The following AGAP1 variants were observed in gnomAD, a reference collection of about 807,000 sequenced individuals.
AGAP1 encodes the protein ArfGAP with GTPase domain, ankyrin repeat and PH domain 1, also known as arf-GAP with GTPase, ANK repeat and PH domain-containing protein 1.
AGAP1 carries 29 observed loss-of-function variants against 105.3 expected under a neutral mutation model. The observed-to-expected ratio is 0.28, with a 90% CI of 0.21 to 0.38. AGAP1 has a LOEUF of 0.38. AGAP1 is among the 10% of genes least tolerant of loss of function. The pLI, the probability that AGAP1 is intolerant of heterozygous loss-of-function variation, is 1.00. For synonymous variants in AGAP1, 509 were observed against 485.9 expected (o/e 1.05, Z -0.63); for missense variants, 998 against 1,165.1 (o/e 0.86, Z 2.09).
In AGAP1 at chr2:235,901,310, C is replaced by G; in HGVS notation, c.1156-7428C>G. ...TTTTTTTTTGAGCCCAGAAGTGAGG[C>G]TTTTTAAAAATAGAACTTCACAAAT... is the stretch of plus-strand genomic sequence containing the variant. On this transcript the variant is annotated intron_variant, in intron 10 of 17. Transcript: ENST00000304032. The surrounding 1 kb of genome is among the most constrained non-coding windows in gnomAD (Gnocchi z 4.3). Among the ~76,000 whole-genome samples the G allele has an allele frequency of 6.6e-6, 1 of 151,628 alleles. No homozygotes were observed. Among genetic ancestry groups the G allele is most frequent in the South Asian group, 2.1e-4 (1 of 4,820 alleles).
At position 235,845,957 on chromosome 2, in the gene AGAP1, A is replaced by G. The variant is rs931249322; in HGVS notation, c.1051-37388A>G. On this transcript the variant is annotated intron_variant, in intron 9 of 17. Transcript: ENST00000304032. This position sits in a 1 kb window ranked among gnomAD's most constrained non-coding sequence, Gnocchi z 4.8. ...CCACTCACCCTTCAGCTGCAGCCAC[A>G]GGGTTGAAATCTTTCCCAGGCCCTC... Among the ~76,000 whole-genome samples the G allele has an allele frequency of 6.6e-6, 1 of 152,038 alleles. No homozygotes were observed. The highest frequency in any genetic ancestry group is 2.4e-5 in the African/African-American group (1 of 41,380).
chr2:235,945,826 G>A (rs1020525873), intron 12 of AGAP1, among the ~76,000 whole-genome samples: 1 of 150,684 alleles, frequency 6.6e-6, no homozygotes, highest in Non-Finnish European at 1.5e-5. Context: ...CTTCCGGGGG[G>A]GTGCCTCGGG....
chr2:235,859,515 T>C (rs2048836181), intron 9 of AGAP1, among the ~76,000 whole-genome samples: 2 of 147,132 alleles, frequency 1.4e-5, no homozygotes, highest in South Asian at 4.4e-4. Flanking sequence ...GTATGAGGCC[T>C]TCTAGTTTCT....
rs1216314409 is a variant in AGAP1, at chr2:236,078,219, C to T, written c.2114+28938C>T. On this transcript the variant is annotated intron_variant, in intron 16 of 17. Transcript: ENST00000304032. This position sits in a 1 kb window ranked among gnomAD's most constrained non-coding sequence, Gnocchi z 5.3. ...CACATCTGAAGTGTGTAGTGCAGGCCGGCGTTCTGGAAACTCGGGCAGAAG... is the reference window on the plus strand; with the variant it reads ...CACATCTGAAGTGTGTAGTGCAGGCTGGCGTTCTGGAAACTCGGGCAGAAG... Among the ~76,000 whole-genome samples the T allele has an allele frequency of 6.6e-6, 1 of 151,794 alleles. No homozygotes were observed. The highest frequency in any genetic ancestry group is 1.5e-5 in the Non-Finnish European group (1 of 67,972).
chr2:235,968,264 C>T (rs557599512), intron 12 of AGAP1, among the ~76,000 whole-genome samples, 198 bp from the exon 13 acceptor site: 1 of 152,200 alleles, frequency 6.6e-6, no homozygotes, highest in East Asian at 1.9e-4. Context: ...GCGGGAGGCA[C>T]AGTAGAGCAA....
chr2:235,767,268 C>CT (rs143437451), intron 6 of AGAP1, among the ~76,000 whole-genome samples: 35,315 of 152,100 alleles, frequency 0.23, 4,766 homozygotes, highest in Admixed American at 0.39. Flanking sequence ...ATCATTCTCT[C>CT]TTAACAGAAT....
chr2:235,903,340 T>C (rs2051153152), intron 10 of AGAP1, among the ~76,000 whole-genome samples: 1 of 152,230 alleles, frequency 6.6e-6, no homozygotes, highest in African/African-American at 2.4e-5. Flanking sequence ...TTGAAGAAAG[T>C]TGAGCTTAAG....
At position 235,709,805 on chromosome 2, in the gene AGAP1, G is replaced by A. The variant is rs1050829112; in HGVS notation, c.222+568G>A. 2.0e-5 allele frequency among the ~76,000 whole-genome samples: 3 copies of A among 152,284 alleles called. No homozygotes were observed. In the South Asian group the frequency reaches 6.2e-4, roughly 32 times the overall value. On this transcript the variant is annotated intron_variant, in intron 2 of 17. Transcript: ENST00000304032. ...CTTCAAATTGGCACGTGTAAAAAGT[G>A]GTCCATCGCAGCCACCCTTTCCAGC... is the stretch of plus-strand genomic sequence containing the variant.
intron 6 of AGAP1, among the ~76,000 whole-genome samples, chr2:235,782,272 T>C (rs981044283): frequency 6.6e-6 from 1 of 152,158 alleles, no homozygotes; most frequent in Admixed American, 6.5e-5. Context: ...TTTTTTTGTA[T>C]TTTTTCCATC....
At chr2:235,647,910 T>C (rs1186922035) in intron 1 of AGAP1, among the ~76,000 whole-genome samples, 1 of 151,932 alleles carries the variant, frequency 6.6e-6, no homozygotes, top group Non-Finnish European at 1.5e-5. Flanking sequence ...ATTTCCCCCC[T>C]CTGGCCAGGT....
chr2:235,514,151 CGT>C (rs1218820726), intron 1 of AGAP1, among the ~76,000 whole-genome samples: 1 of 83,550 alleles, frequency 1.2e-5, no homozygotes. Context: ...AGTGCATGCG[CGT>C]GCGCGCGCGC....
chr2:235,672,194 T>C (rs1948472341), intron 1 of AGAP1, among the ~76,000 whole-genome samples: 1 of 152,244 alleles, frequency 6.6e-6, no homozygotes, highest in Non-Finnish European at 1.5e-5. Flanking sequence ...CCAAGTGGAC[T>C]TAACAGGTCA....
intron 16 of AGAP1, among the ~76,000 whole-genome samples, chr2:236,102,992 T>G (rs1185386803): frequency 4.1e-5 from 2 of 48,294 alleles, no homozygotes; most frequent in South Asian, 1.2e-3. Context: ...TCCCCTCCCC[T>G]CCGGGGTTTC....
intron 9 of AGAP1, among the ~76,000 whole-genome samples, chr2:235,869,420 TAAAAAAAAAA>T (rs35813316): frequency 0.012 from 597 of 49,974 alleles, 10 homozygotes; most frequent in African/African-American, 0.033. Flanking sequence ...CCATCTCTAC[TAAAAAAAAAA>T]AAAAAAAAAA....
chr2:235,781,835 C>CT (rs755251648), intron 6 of AGAP1, among the ~76,000 whole-genome samples: 3 of 151,922 alleles, frequency 2.0e-5, no homozygotes, highest in Non-Finnish European at 4.4e-5. Context: ...TGTAAATAAT[C>CT]TCATCAGAGG....
intron 1 of AGAP1, among the ~76,000 whole-genome samples, chr2:235,512,169 G>T (rs1217292531): frequency 2.0e-5 from 3 of 152,228 alleles, no homozygotes; most frequent in Non-Finnish European, 4.4e-5. Flanking sequence ...TTCTTGATCT[G>T]TTGCTGCATC....
chr2:236,043,447 C>T (rs1406569070), intron 15 of AGAP1, among the ~76,000 whole-genome samples: 1 of 152,210 alleles, frequency 6.6e-6, no homozygotes, highest in Non-Finnish European at 1.5e-5. Context: ...TTAATTGAGC[C>T]TGGGCACGGT....
intron 12 of AGAP1, among the ~76,000 whole-genome samples, chr2:235,938,575 T>G (rs2053101106): frequency 6.6e-6 from 1 of 152,094 alleles, no homozygotes. Context: ...AAACCAACAG[T>G]ACAGATAATG....
At chr2:235,815,505 C>T (rs372618072) in intron 9 of AGAP1, among the ~76,000 whole-genome samples, 4 of 152,118 alleles carry the variant, frequency 2.6e-5, no homozygotes, top group African/African-American at 9.7e-5. Context: ...TTTGGGGGGA[C>T]GTATTTCATC....
Sources: gnomAD v4.1 joint callset for allele counts (sites outside exome capture counted in the v4.1 genomes callset) on GRCh38, gnomAD v4.1.1 for gene constraint, Gnocchi (gnomAD v3.1) non-coding constraint, MANE v1.5 for transcripts, NCBI Gene and HGNC (gene_info 2026-07-23, HGNC 2026-07-21) for gene names.